INPP4B: variants seen among roughly 807,000 people sequenced by gnomAD.
INPP4B encodes inositol polyphosphate 4-phosphatase type II.
INPP4B carries 55 observed loss-of-function variants against 122.5 expected under a neutral mutation model. That is an observed-to-expected ratio of 0.45 (90% CI 0.36 to 0.56). INPP4B has a LOEUF of 0.56. Among genes scored for constraint, INPP4B ranks in the 20% least tolerant of loss-of-function variants. INPP4B has a pLI of 0.00. For missense variants in INPP4B, 1,000 were observed against 1,097.7 expected (o/e 0.91, Z 1.26); for synonymous variants, 403 against 388.7 (o/e 1.04, Z -0.43).
At chr4:142,279,326 C>G (rs931278367) in intron 9 of INPP4B, among the ~76,000 whole-genome samples, 1 of 151,560 alleles carries the variant, frequency 6.6e-6, no homozygotes, top group African/African-American at 2.4e-5. Flanking sequence ...CAAGGAAAGA[C>G]AAAACAGTAT....
At chr4:142,771,735 T>C (rs1050813110) in intron 1 of INPP4B, among the ~76,000 whole-genome samples, 7 of 152,124 alleles carry the variant, frequency 4.6e-5, no homozygotes, top group African/African-American at 1.7e-4. Context: ...CAAGAAGTGA[T>C]CTGATTTTGT....
intron 7 of INPP4B, among the ~76,000 whole-genome samples, chr4:142,331,913 G>A (rs181409885): frequency 1.3e-5 from 2 of 151,100 alleles, no homozygotes; most frequent in Admixed American, 1.3e-4. Context: ...AAGCTGGGGG[G>A]GTGGGGGGTG....
chr4:142,723,740 A>G (rs141417902), intron 2 of INPP4B, among the ~76,000 whole-genome samples: 1,765 of 152,262 alleles, frequency 0.012, 23 homozygotes, highest in Middle Eastern at 0.054. Context: ...TAACACCTTC[A>G]CTAGTATGTC....
chr4:142,532,036 G>C (rs558145057), intron 2 of INPP4B, among the ~76,000 whole-genome samples: 3 of 152,192 alleles, frequency 2.0e-5, no homozygotes. Flanking sequence ...CTGTAGCCCA[G>C]GCTGCTGCAA....
chr4:142,317,772 A>G (rs1768288761), intron 7 of INPP4B, among the ~76,000 whole-genome samples: 1 of 152,198 alleles, frequency 6.6e-6, no homozygotes, highest in Non-Finnish European at 1.5e-5. Context: ...CCAAGATGCA[A>G]AAACCAAAAC....
intron 2 of INPP4B, among the ~76,000 whole-genome samples, chr4:142,498,781 C>A (rs1822989093): frequency 6.6e-6 from 1 of 151,928 alleles, no homozygotes; most frequent in Admixed American, 6.6e-5. Flanking sequence ...AGACGGAGAT[C>A]CTGTCTCAAA....
chr4:142,358,805 G>A (rs1784466372), intron 7 of INPP4B, among the ~76,000 whole-genome samples: 1 of 151,918 alleles, frequency 6.6e-6, no homozygotes, highest in Admixed American at 6.6e-5. Flanking sequence ...CCCTTCAGCA[G>A]CTGGCTTGGG....
At chr4:142,449,278 AG>A (rs1813622127) in intron 3 of INPP4B, among the ~76,000 whole-genome samples, 1 of 152,196 alleles carries the variant, frequency 6.6e-6, no homozygotes, top group Admixed American at 6.5e-5. Flanking sequence ...GGATCTAGCA[AG>A]ACCAAACAGT....
At chr4:142,059,832 C>T (rs1393660105) in intron 25 of INPP4B, among the ~76,000 whole-genome samples, 2 of 152,104 alleles carry the variant, frequency 1.3e-5, no homozygotes, top group African/African-American at 4.8e-5. Context: ...GTTCACTTTC[C>T]AATTCTGTAC....
chr4:142,438,075 T>C (rs930657219), intron 3 of INPP4B, among the ~76,000 whole-genome samples: 2 of 152,198 alleles, frequency 1.3e-5, no homozygotes, highest in Admixed American at 6.5e-5. Flanking sequence ...TGGAAAAACA[T>C]TCCACGCTCA....
At chr4:142,631,543 A>C (rs1747952932) in intron 2 of INPP4B, among the ~76,000 whole-genome samples, 1 of 152,104 alleles carries the variant, frequency 6.6e-6, no homozygotes. Flanking sequence ...CGGACTAAAA[A>C]CGTTCCAAAA....
chr4:142,588,082 T>A (rs1736628143), intron 2 of INPP4B, among the ~76,000 whole-genome samples: 1 of 151,896 alleles, frequency 6.6e-6, no homozygotes, highest in Non-Finnish European at 1.5e-5. Flanking sequence ...TTTTATCAAA[T>A]ACAGAAAAAG....
chr4:142,450,711 T>TA (rs1813961513), intron 3 of INPP4B, among the ~76,000 whole-genome samples: 2 of 152,284 alleles, frequency 1.3e-5, no homozygotes, highest in Non-Finnish European at 2.9e-5. Context: ...GCTTTCCAGA[T>TA]AAAAAACTAA....
intron 23 of INPP4B, among the ~76,000 whole-genome samples, chr4:142,090,276 C>A (rs1420854902): frequency 7.6e-6 from 1 of 131,050 alleles, no homozygotes; most frequent in African/African-American, 2.7e-5. Flanking sequence ...GTGCTTCTTA[C>A]AAGAAAAGTA....
intron 7 of INPP4B, among the ~76,000 whole-genome samples, chr4:142,388,324 T>C (rs1283881006): frequency 6.6e-6 from 1 of 152,158 alleles, no homozygotes. Context: ...ATCCAAGTGA[T>C]AGGTATATTT....
chr4:142,549,619 G>A (rs759887498), intron 2 of INPP4B, among the ~76,000 whole-genome samples: 11 of 152,114 alleles, frequency 7.2e-5, no homozygotes, highest in Non-Finnish European at 1.0e-4. Flanking sequence ...TAAGTACAAC[G>A]AAAGGGGCAG....
At chr4:142,340,612 T>G (rs2151683769) in intron 7 of INPP4B, among the ~76,000 whole-genome samples, 1 of 152,218 alleles carries the variant, frequency 6.6e-6, no homozygotes, top group Admixed American at 6.5e-5. Context: ...AGATTCTCAC[T>G]ATGTCGCCCA....
rs1231884669 is a variant in INPP4B at position 142,028,561 on chromosome 4, C to A, written c.*221G>T. 6 of 513,278 alleles carry A rather than the reference C, an allele frequency of 1.2e-5. No homozygotes were observed. Among genetic ancestry groups the A allele is most frequent in the African/African-American group, 3.8e-5 (2 of 52,098 alleles). 31.8% of individuals were successfully genotyped at this position (513,278 alleles called of 1,614,324 possible). ...AGGCTCAACACATAGAAGCTTAGAA[C>A]TAGAAATGACAGTACTGAATCATGT... On this transcript the variant is annotated 3_prime_UTR_variant, in exon 26 of 26. Transcript: ENST00000262992.
chr4:142,229,701 T>A (rs1853309053), intron 12 of INPP4B, among the ~76,000 whole-genome samples: 1 of 152,176 alleles, frequency 6.6e-6, no homozygotes, highest in African/African-American at 2.4e-5. Flanking sequence ...CAGATGAAGC[T>A]AATGCATCTC....
Sources: gnomAD v4.1 joint callset for allele counts (sites outside exome capture counted in the v4.1 genomes callset) on GRCh38, gnomAD v4.1.1 for gene constraint, MANE v1.5 for transcripts, NCBI Gene and HGNC (gene_info 2026-07-23, HGNC 2026-07-21) for gene names.